The following SMARCC2 variants were observed in gnomAD, a reference collection of about 807,000 sequenced individuals.
SMARCC2 encodes SWI/SNF related BAF chromatin remodeling complex subunit C2, also known as SWI/SNF complex subunit SMARCC2.
SMARCC2 carries 15 observed loss-of-function variants against 151.3 expected under a neutral mutation model. That is an observed-to-expected ratio of 0.10 (90% confidence interval 0.07 to 0.15). The LOEUF is 0.15. Among genes scored for constraint, SMARCC2 ranks in the 10% least tolerant of loss-of-function variants. The probability of loss-of-function intolerance (pLI) is 1.00; values close to 1 mark genes in which losing one functional copy is unlikely to be tolerated. For synonymous variants in SMARCC2, 590 were observed against 609.5 expected, an observed-to-expected ratio of 0.97 and a Z score of 0.47; for missense variants, 1,031 against 1,599.7, an observed-to-expected ratio of 0.64 and a Z score of 6.06.
rs1234285082 is a variant in SMARCC2, at chr12:56,178,399, C to CAT, written c.1310+3_1310+4dup. 6.2e-7 allele frequency: 1 copy of CAT among 1,614,070 alleles called. No homozygotes were observed. The highest frequency in any genetic ancestry group is 8.5e-7 in the Non-Finnish European group (1 of 1,180,002). On this transcript the variant is annotated splice_donor_region_variant and intron_variant, in intron 14 of 28. Transcript: ENST00000550164. ...GACTCAGTGAGAAGTTGGGGACAACCATACCTATTGTAGTCAAACCAGGCA... is the reference window on the plus strand; with the variant it reads ...GACTCAGTGAGAAGTTGGGGACAACCATATACCTATTGTAGTCAAACCAGGCA...
rs145318577 is a variant in SMARCC2 at position 56,164,654 on chromosome 12, C to T, written c.3310G>A (p.Val1104Met). Residue 1104 changes from valine to methionine, a missense_variant, in exon 28 of 29, where the codon GTG becomes ATG. Val to Met is a conservative substitution (Grantham distance 21). Transcript: ENST00000550164. ...AAACCCAAAGGAGCATTACCCGCCACGCCTGGGTGCCCGCTGCCTGGCACT... is the reference window on the plus strand; with the variant it reads ...AAACCCAAAGGAGCATTACCCGCCATGCCTGGGTGCCCGCTGCCTGGCACT... ...GAVPGSGHPG[V>M]AGNAPLGLPF... The T allele has an allele frequency of 6.7e-4, 1,084 of 1,612,444 alleles. 2 individuals carry two copies. Among genetic ancestry groups the T allele is most frequent in the Non-Finnish European group, 8.2e-4 (968 of 1,179,284 alleles).
At chr12:56,165,827 T>C (rs970610703) in intron 26 of SMARCC2, 128 bp from the exon 27 acceptor site, 3 of 885,384 alleles carry the variant, frequency 3.4e-6, no homozygotes, top group African/African-American at 1.7e-5. Flanking sequence ...AATCTACATC[T>C]TGTGCTTGTG....
rs924543853 is a variant in SMARCC2 at position 56,164,593 on chromosome 12, G to A, written c.3371C>T (p.Ala1124Val). The change falls in exon 28 of 29, where the codon GCT becomes GTT. Residue 1124 changes from alanine to valine, a missense_variant. Physicochemically the swap from Ala to Val is moderately conservative, Grantham distance 64. This residue lies in a region of SMARCC2 where 310 missense variants were observed against 350.0 expected (regional missense o/e 0.89). Transcript: ENST00000550164. ...FGMPPPPPPP[A>V]PSIIPFGSLA... ...ACTACCAAATGGGATGATGGATGGAGCAGGAGGAGGAGGAGGAGGCGGCAT... is the reference window on the plus strand; with the variant it reads ...ACTACCAAATGGGATGATGGATGGAACAGGAGGAGGAGGAGGAGGCGGCAT... The A allele has an allele frequency of 6.2e-7, 1 of 1,614,014 alleles. No homozygotes were observed. The highest frequency in any genetic ancestry group is 1.7e-5 in the Admixed American group (1 of 60,018).
At position 56,171,276 on chromosome 12, in the gene SMARCC2, C is replaced by T. The variant is rs758786519; in HGVS notation, c.2342G>A (p.Arg781Gln). 3.1e-6 allele frequency: 5 copies of T among 1,614,160 alleles called. No homozygotes were observed. The highest frequency in any genetic ancestry group is 1.3e-5 in the African/African-American group (1 of 75,058). Residue 781 changes from arginine to glutamine, a missense_variant, in exon 22 of 29, where the codon CGG becomes CAG. Physicochemically the swap from Arg to Gln is conservative, Grantham distance 43 (BLOSUM62 1). This residue lies in a region of SMARCC2 where 119 missense variants were observed against 184.2 expected (regional missense o/e 0.65). Transcript: ENST00000550164. This position sits in a 1 kb window ranked among gnomAD's most constrained non-coding sequence, Gnocchi z 4.2. ...IAGTTSDEPE[R>Q]IEESGNDEAR... ...GGGAACCTGCCTGGCCTTACCAATC[C>T]GCTCAGGCTCATCAGAGGTGGTTCC...
rs1875550622 is a variant in SMARCC2, at chr12:56,178,852, A to G, written c.1142-5T>C. On this transcript the variant is annotated splice_polypyrimidine_tract_variant and splice_region_variant and intron_variant, in intron 12 of 28. Transcript: ENST00000550164. Reference sequence around the variant, plus strand: ...TGCTTTCATCTTCCTGTTCATCTGAAAGAGAAAAACCAAGATGTAAGGCTG... The same window carrying G: ...TGCTTTCATCTTCCTGTTCATCTGAGAGAGAAAAACCAAGATGTAAGGCTG... 6.2e-7 allele frequency: 1 copy of G among 1,614,146 alleles called. No individual in the cohort carries two copies. The highest frequency in any genetic ancestry group is 8.5e-7 in the Non-Finnish European group (1 of 1,179,976).
At chr12:56,166,706 CAGCTTCCTG>C (rs1255007020) in intron 26 of SMARCC2, among the ~76,000 whole-genome samples, 2 of 151,866 alleles carry the variant, frequency 1.3e-5, no homozygotes, top group Non-Finnish European at 2.9e-5. Flanking sequence ...CCTCCCACCT[CAGCTTCCTG>C]AGTAGCTGGG....
chr12:56,168,268 G>A (rs1250913446), intron 25 of SMARCC2, 74 bp from the exon 26 acceptor site: 1 of 1,557,660 alleles, frequency 6.4e-7, no homozygotes, highest in East Asian at 2.2e-5. Flanking sequence ...AAGGTAGGGT[G>A]GATGCTGGCA....
At chr12:56,179,964 C>T (rs1418164680) in intron 11 of SMARCC2, among the ~76,000 whole-genome samples, 2 of 152,008 alleles carry the variant, frequency 1.3e-5, no homozygotes, top group African/African-American at 4.8e-5. Flanking sequence ...GGATTACAGG[C>T]GTAAGCCACC....
intron 11 of SMARCC2, among the ~76,000 whole-genome samples, 195 bp from the exon 12 acceptor site, chr12:56,179,251 TTTAAC>T (rs1164718184): frequency 6.6e-6 from 1 of 152,230 alleles, no homozygotes; most frequent in African/African-American, 2.4e-5. Context: ...CAAAAATTAA[TTTAAC>T]TTATTTCTCT....
At position 56,163,041 on chromosome 12, in the gene SMARCC2, G is replaced by A. The variant is rs1378595339; in HGVS notation, c.*648C>T. 1.3e-5 allele frequency: 2 copies of A among 152,296 alleles called. No individual in the cohort carries two copies. Among genetic ancestry groups the A allele is most frequent in the East Asian group, 3.9e-4 (2 of 5,192 alleles). 9.4% of individuals were successfully genotyped at this position (152,296 alleles called of 1,614,324 possible). On this transcript the variant is annotated 3_prime_UTR_variant, in exon 29 of 29. Transcript: ENST00000550164. ...CAGAGGGAAAGGAATCATTGGCTGAGCTGGGGTGGCCTAAAACAGCAACAA... is the reference window on the plus strand; with the variant it reads ...CAGAGGGAAAGGAATCATTGGCTGAACTGGGGTGGCCTAAAACAGCAACAA...
At chr12:56,187,873 C>A (rs1487748642) in intron 1 of SMARCC2, among the ~76,000 whole-genome samples, 1 of 152,150 alleles carries the variant, frequency 6.6e-6, no homozygotes, top group Non-Finnish European at 1.5e-5. Context: ...CATCCACTAC[C>A]CAGCCTGATG....
chr12:56,189,246 G>T (rs1311758435), intron 1 of SMARCC2, 105 bp downstream of exon 1: 3 of 520,404 alleles, frequency 5.8e-6, no homozygotes, highest in African/African-American at 4.1e-5. Context: ...AGGCCGCGGG[G>T]GAGGGGCTGG....
chr12:56,173,141 G>A (rs1472363576), intron 17 of SMARCC2, 112 bp from the exon 18 acceptor site: 3 of 808,330 alleles, frequency 3.7e-6, no homozygotes, highest in Non-Finnish European at 6.2e-6. Flanking sequence ...GGGCACTCAT[G>A]CCACTGTTCC....
At chr12:56,185,972 C>T in intron 3 of SMARCC2, 183 bp downstream of exon 3, 1 of 603,818 alleles carries the variant, frequency 1.7e-6, no homozygotes. Flanking sequence ...TACTCACACA[C>T]TCACTCTTGG....
intron 6 of SMARCC2, 28 bp downstream of exon 6, chr12:56,184,147 C>T (rs1160143356): frequency 6.4e-7 from 1 of 1,555,548 alleles, no homozygotes. Context: ...ACCATCCACT[C>T]AAGTGGACAG....
chr12:56,172,764 CAGAG>C (rs922484113), intron 18 of SMARCC2, 60 bp from the exon 19 acceptor site: 8 of 1,606,872 alleles, frequency 5.0e-6, no homozygotes, highest in Admixed American at 3.4e-5. Context: ...CAGGGGCTGA[CAGAG>C]AGAAAAAACA....
chr12:56,171,608 T>G lies in SMARCC2; in HGVS notation c.2185+71A>C, dbSNP rs7311008. The G allele has an allele frequency of 0.88, 1,337,542 of 1,512,318 alleles. 602,881 individuals are homozygous for G. Among genetic ancestry groups the G allele is most frequent in the East Asian group, 0.98 (43,348 of 44,138 alleles). 93.7% of individuals were successfully genotyped at this position (1,512,318 alleles called of 1,614,324 possible). ...AGCAGGGCAGCCAAACTTGAGAGGA[T>G]TCACAGTCTGAGTAACTAGCCCTTC... On this transcript the variant is annotated intron_variant, in intron 21 of 28. Transcript: ENST00000550164. The surrounding 1 kb of genome is among the most constrained non-coding windows in gnomAD (Gnocchi z 4.2).
intron 20 of SMARCC2, chr12:56,172,182 A>T: frequency 1.8e-6 from 1 of 554,184 alleles, no homozygotes; most frequent in East Asian, 3.1e-5. Flanking sequence ...CCTAGGCTCA[A>T]GCAATCCTCC....
At chr12:56,168,488 C>T (rs1282173201) in intron 25 of SMARCC2, among the ~76,000 whole-genome samples, 1 of 151,812 alleles carries the variant, frequency 6.6e-6, no homozygotes, top group African/African-American at 2.4e-5. Flanking sequence ...AATTCTCGTG[C>T]CTTTGCCTCC....
Sources: gnomAD v4.1 joint callset for allele counts (sites outside exome capture counted in the v4.1 genomes callset) on GRCh38, gnomAD v4.1.1 for gene constraint, gnomAD v4.1.1 regional missense constraint, Gnocchi (gnomAD v3.1) non-coding constraint, MANE v1.5 for transcripts, NCBI Gene and HGNC (gene_info 2026-07-23, HGNC 2026-07-21) for gene names.